TRPC6: variants seen among roughly 807,000 people sequenced by gnomAD.
The protein encoded by TRPC6 is transient receptor potential cation channel subfamily C member 6, also known as short transient receptor potential channel 6.
A neutral mutation model predicts 90.7 loss-of-function variants in TRPC6; 55 were observed. The ratio of observed to expected loss-of-function variants is 0.61; its 90% confidence interval spans 0.49 to 0.76. The LOEUF (loss-of-function observed/expected upper bound fraction) is 0.76, where lower values mean the gene tolerates loss of function less well. Among genes scored for constraint, TRPC6 ranks in the 30% least tolerant of loss-of-function variants. The probability of loss-of-function intolerance (pLI) is 0.00; values close to 1 mark genes in which losing one functional copy is unlikely to be tolerated. For synonymous variants in TRPC6, 393 were observed against 393.0 expected (o/e 1.00, Z 0.00); for missense variants, 989 against 1,122.7 (o/e 0.88, Z 1.70).
chr11:101,541,464 C>G (rs746401821), intron 1 of TRPC6, among the ~76,000 whole-genome samples: 4 of 152,310 alleles, frequency 2.6e-5, no homozygotes, highest in African/African-American at 9.6e-5. Flanking sequence ...CGGTTTCAAG[C>G]GATTCTCCTG....
chr11:101,453,188 G>C, intron 12 of TRPC6, 82 bp from the exon 13 acceptor site: 2 of 1,316,484 alleles, frequency 1.5e-6, no homozygotes, highest in East Asian at 4.6e-5. Flanking sequence ...GAGGAAATCA[G>C]CTCTAATTTC....
intron 2 of TRPC6, among the ~76,000 whole-genome samples, chr11:101,495,962 T>C (rs1859936198): frequency 6.6e-6 from 1 of 152,042 alleles, no homozygotes; most frequent in African/African-American, 2.4e-5. Flanking sequence ...AAAAAGAGGT[T>C]TAATTGGCTC....
At chr11:101,490,246 C>G (rs1384921861) in intron 3 of TRPC6, among the ~76,000 whole-genome samples, 1 of 151,992 alleles carries the variant, frequency 6.6e-6, no homozygotes, top group African/African-American at 2.4e-5. Flanking sequence ...ACAATGCAAC[C>G]TTTAAAAAGA....
chr11:101,548,846 A>C (rs1357660878), intron 1 of TRPC6, among the ~76,000 whole-genome samples: 1 of 152,062 alleles, frequency 6.6e-6, no homozygotes, highest in Non-Finnish European at 1.5e-5. Context: ...CATGGTGTAG[A>C]AGAGTATGAA....
At chr11:101,466,157 A>AG (rs1244804417) in intron 10 of TRPC6, among the ~76,000 whole-genome samples, 1 of 152,086 alleles carries the variant, frequency 6.6e-6, no homozygotes, top group Non-Finnish European at 1.5e-5. Flanking sequence ...TTCGTCCCAA[A>AG]GGGGCACCTT....
In TRPC6 at chr11:101,504,918, G is replaced by A. The variant is rs192933932; in HGVS notation, c.171-120C>T. 215 of 1,131,364 alleles carry A rather than the reference G, an allele frequency of 1.9e-4. No homozygotes were observed. In the African/African-American group the frequency reaches 3.2e-3, roughly 17 times the overall value. The allele number at this position is 1,131,364 out of a possible 1,614,324, so 70.1% of individuals were successfully genotyped here. On this transcript the variant is annotated intron_variant, in intron 1 of 12. Transcript: ENST00000344327. ...ATTAGATGTTGTCTCATCATCTCTA[G>A]ACCTACTATATTATAAAATGAAGAT...
intron 10 of TRPC6, among the ~76,000 whole-genome samples, chr11:101,455,856 T>C (rs1858870304): frequency 6.6e-6 from 1 of 152,146 alleles, no homozygotes; most frequent in Non-Finnish European, 1.5e-5. Flanking sequence ...TATATTCAAG[T>C]ATATATTGAG....
chr11:101,473,408 G>T, intron 7 of TRPC6, 101 bp downstream of exon 7: 2 of 1,381,814 alleles, frequency 1.4e-6, no homozygotes, highest in Non-Finnish European at 1.0e-6. Flanking sequence ...TAGAGATGAA[G>T]TCTTTACCAA....
At chr11:101,566,764 C>CG (rs1329672357) in intron 1 of TRPC6, among the ~76,000 whole-genome samples, 1 of 152,134 alleles carries the variant, frequency 6.6e-6, no homozygotes, top group Non-Finnish European at 1.5e-5. Context: ...TCACCTCACC[C>CG]GGGAAGTGCA....
At chr11:101,463,739 T>C (rs1476126303) in intron 10 of TRPC6, among the ~76,000 whole-genome samples, 2 of 152,188 alleles carry the variant, frequency 1.3e-5, no homozygotes, top group African/African-American at 4.8e-5. Flanking sequence ...ATTTTGTTGA[T>C]CCTTTCAAAA....
chr11:101,574,289 T>C (rs1010539836), intron 1 of TRPC6, among the ~76,000 whole-genome samples: 1 of 151,110 alleles, frequency 6.6e-6, no homozygotes, highest in African/African-American at 2.5e-5. Context: ...TGTTTATTTT[T>C]TAATTATGTG....
intron 2 of TRPC6, among the ~76,000 whole-genome samples, chr11:101,494,834 A>C (rs986112495): frequency 2.6e-5 from 4 of 152,228 alleles, no homozygotes; most frequent in African/African-American, 9.6e-5. Context: ...CTATTTAAAA[A>C]GGAGAGAGAG....
chr11:101,481,689 C>T (rs1859555100), intron 5 of TRPC6, among the ~76,000 whole-genome samples: 1 of 152,128 alleles, frequency 6.6e-6, no homozygotes, highest in South Asian at 2.1e-4. Flanking sequence ...TCCCCTATCT[C>T]CTGAGTGCCA....
intron 1 of TRPC6, among the ~76,000 whole-genome samples, chr11:101,578,987 T>C (rs1179759620): frequency 6.6e-6 from 1 of 152,138 alleles, no homozygotes; most frequent in East Asian, 1.9e-4. Context: ...TTTTCTGTTT[T>C]ACAATAATAT....
chr11:101,549,978 C>T (rs938883858), intron 1 of TRPC6, among the ~76,000 whole-genome samples: 1 of 151,394 alleles, frequency 6.6e-6, no homozygotes, highest in East Asian at 1.9e-4. Flanking sequence ...AAGACTGATA[C>T]CAAATTATAA....
chr11:101,465,717 TC>T (rs1468401647), intron 10 of TRPC6, among the ~76,000 whole-genome samples: 1 of 152,202 alleles, frequency 6.6e-6, no homozygotes, highest in East Asian at 1.9e-4. Context: ...CTTAGTTTTT[TC>T]GCACCAGGTG....
intron 10 of TRPC6, among the ~76,000 whole-genome samples, chr11:101,467,257 T>A (rs1859171102): frequency 6.6e-6 from 1 of 151,850 alleles, no homozygotes; most frequent in African/African-American, 2.4e-5. Flanking sequence ...ACTGGACCCC[T>A]TCTTTATTTT....
chr11:101,512,886 A>G (rs1860427575), intron 1 of TRPC6, among the ~76,000 whole-genome samples: 1 of 151,844 alleles, frequency 6.6e-6, no homozygotes, highest in Admixed American at 6.6e-5. Context: ...ACATTTTCCA[A>G]TTCCTCTGCA....
In TRPC6 at chr11:101,479,267, A is replaced by G. The variant is rs562330874; in HGVS notation, c.1511-2733T>C. The stretch of plus-strand genomic sequence containing the variant: ...GACTGCCGTCCTCTCCTTCTGTTGA[A>G]GAGTCAGCCCAGGACTGCATCTGCT... On this transcript the variant is annotated intron_variant, in intron 5 of 12. Coordinates refer to ENST00000344327, the MANE Select transcript of TRPC6 (RefSeq NM_004621.6). Among the ~76,000 whole-genome samples the G allele has an allele frequency of 2.6e-5, 4 of 152,318 alleles. No individual in the cohort carries two copies. The South Asian group carries it at 8.3e-4, about 32-fold the overall frequency.
Sources: gnomAD v4.1 joint callset for allele counts (sites outside exome capture counted in the v4.1 genomes callset) on GRCh38, gnomAD v4.1.1 for gene constraint, MANE v1.5 for transcripts, NCBI Gene and HGNC (gene_info 2026-07-23, HGNC 2026-07-21) for gene names.